The following OR2AT4 variants were observed in gnomAD, a reference collection of about 807,000 sequenced individuals.
OR2AT4 encodes the protein olfactory receptor family 2 subfamily AT member 4, also known as olfactory receptor 2AT4.
A neutral mutation model predicts 10.3 loss-of-function variants in OR2AT4; 6 were observed. That is an observed-to-expected ratio of 0.58 (90% CI 0.32 to 1.15). The LOEUF is 1.15. Ranked by LOEUF, OR2AT4 falls within the 50% of genes most tolerant of loss-of-function variation. The pLI is 0.05. For synonymous variants in OR2AT4, 145 were observed against 159.1 expected (o/e 0.91, Z 0.67); for missense variants, 354 against 393.8 (o/e 0.90, Z 0.85).
exon 2 of OR2AT4, chr11:75,089,556 G>A: frequency 6.2e-7 from 1 of 1,614,074 alleles, no homozygotes. Flanking sequence ...TGCCACCACG[G>A]CCACCAGGAT....
exon 2 of OR2AT4, chr11:75,087,904 A>G (rs1949297893): frequency 6.6e-6 from 1 of 152,166 alleles, no homozygotes; most frequent in African/African-American, 2.4e-5. Context: ...CTTATAGATA[A>G]CCATCTTTAT....
chr11:75,089,336 G>C, exon 2 of OR2AT4: 1 of 1,614,224 alleles, frequency 6.2e-7, no homozygotes, highest in Non-Finnish European at 8.5e-7. Context: ...CCACATAGCG[G>C]TCATAGGCCA....
At chr11:75,092,490 A>T in intron 1 of OR2AT4, among the ~76,000 whole-genome samples, 1 of 152,228 alleles carries the variant, frequency 6.6e-6, no homozygotes, top group East Asian at 1.9e-4. Flanking sequence ...CTATGTAGAG[A>T]TATAGATCAG....
At chr11:75,091,006 G>A (rs1003074568) in intron 1 of OR2AT4, among the ~76,000 whole-genome samples, 3 of 152,196 alleles carry the variant, frequency 2.0e-5, no homozygotes, top group Admixed American at 6.5e-5. Flanking sequence ...TCCTTCCGGG[G>A]TGAGGAGATA....
rs1366536746 is a variant in OR2AT4, at chr11:75,085,466, T to C, written c.*3285A>G. On this transcript the variant is annotated 3_prime_UTR_variant, in exon 2 of 2. Transcript: ENST00000641504. ...ATAGCACCAATTCTATACAATGTTT[T>C]TGAGAATGTAGAAGAGACGGGAAAG... 2.0e-5 allele frequency: 3 copies of C among 152,074 alleles called. No homozygotes were observed. The East Asian group carries it at 5.8e-4, about 29-fold the overall frequency. 9.4% of individuals were successfully genotyped at this position (152,074 alleles called of 1,614,324 possible).
chr11:75,095,031 G>C (rs746947865), intron 1 of OR2AT4, among the ~76,000 whole-genome samples: 1 of 152,128 alleles, frequency 6.6e-6, no homozygotes, highest in African/African-American at 2.4e-5. Flanking sequence ...GGCTGAATTG[G>C]GGTTTGAGGG....
At chr11:75,094,952 C>T (rs112311880) in intron 1 of OR2AT4, among the ~76,000 whole-genome samples, 30 of 152,178 alleles carry the variant, frequency 2.0e-4, no homozygotes, top group African/African-American at 7.2e-4. Context: ...CAAAGAGATG[C>T]AAACTACCTT....
chr11:75,084,110 T>G (rs1238905949), exon 2 of OR2AT4: 4 of 152,196 alleles, frequency 2.6e-5, no homozygotes, highest in East Asian at 2.0e-4. Flanking sequence ...CAGAAAACCA[T>G]GTACTGCATG....
exon 2 of OR2AT4, chr11:75,083,767 T>A (rs1949276852): frequency 2.0e-5 from 3 of 151,398 alleles, no homozygotes; most frequent in South Asian, 2.1e-4. Context: ...AGTTCAGGAG[T>A]TCGAGACCAG....
chr11:75,092,411 C>G (rs1162852124), intron 1 of OR2AT4, among the ~76,000 whole-genome samples: 1 of 152,056 alleles, frequency 6.6e-6, no homozygotes, highest in East Asian at 1.9e-4. Context: ...TTAAGGTACT[C>G]ACGTGCAATA....
At chr11:75,087,799 T>G (rs1949297510) in exon 2 of OR2AT4, 1 of 152,052 alleles carries the variant, frequency 6.6e-6, no homozygotes, top group African/African-American at 2.4e-5. Context: ...AATTGTGGGG[T>G]TTTTCTTTCT....
chr11:75,085,491 G>C (rs1283603833), exon 2 of OR2AT4: 1 of 152,054 alleles, frequency 6.6e-6, no homozygotes, highest in African/African-American at 2.4e-5. Context: ...AGACGGGAAA[G>C]CTTCCTAATT....
chr11:75,095,828 C>A (rs1438998015), intron 1 of OR2AT4, among the ~76,000 whole-genome samples: 1 of 152,072 alleles, frequency 6.6e-6, no homozygotes, highest in African/African-American at 2.4e-5. Flanking sequence ...CAGGCGCTTG[C>A]CACCATGTCC....
At chr11:75,093,804 C>CTTTTTTTTT (rs1166766222) in intron 1 of OR2AT4, among the ~76,000 whole-genome samples, 1 of 88,350 alleles carries the variant, frequency 1.1e-5, no homozygotes, top group African/African-American at 4.2e-5. Context: ...TTTTCTTTTT[C>CTTTTTTTTT]TTTTTCTTTT....
chr11:75,085,410 A>G (rs978351304), exon 2 of OR2AT4: 3 of 152,148 alleles, frequency 2.0e-5, no homozygotes, highest in Admixed American at 2.0e-4. Flanking sequence ...GAAATTTTAC[A>G]GGCAAATTCT....
At chr11:75,089,140 C>A (rs148303100) in exon 2 of OR2AT4, 54 of 1,613,934 alleles carry the variant, frequency 3.3e-5, no homozygotes, top group Non-Finnish European at 4.3e-5. Context: ...GAGCAGGAGG[C>A]CTGGACCACA....
chr11:75,088,797 A>T, exon 2 of OR2AT4: 1 of 1,589,466 alleles, frequency 6.3e-7, no homozygotes, highest in South Asian at 1.2e-5. Context: ...GATTTTGGTG[A>T]TGGCTGCCTT....
At position 75,088,785 on chromosome 11, in the gene OR2AT4, A is replaced by T. The variant is rs898619294; in HGVS notation, c.929T>A (p.Met310Lys). The change falls in exon 2 of 2, where the codon ATG becomes AAG. Residue 310 changes from methionine to lysine, a missense_variant. Met to Lys is a moderately conservative substitution (Grantham distance 95). Coordinates refer to ENST00000641504, the Ensembl canonical transcript of OR2AT4. Reference sequence around the variant, plus strand: ...CCTGTCACAGCCTGGGTCTTGAGACATGATTTTGGTGATGGCTGCCTTTAC... The same window carrying T: ...CCTGTCACAGCCTGGGTCTTGAGACTTGATTTTGGTGATGGCTGCCTTTAC... The T allele has an allele frequency of 5.1e-6, 8 of 1,583,266 alleles. No homozygotes were observed. The highest frequency in any genetic ancestry group is 1.7e-4 in the Middle Eastern group (1 of 5,938).
chr11:75,089,651 G>C (rs779523733), exon 2 of OR2AT4: 14 of 1,613,672 alleles, frequency 8.7e-6, no homozygotes, highest in Non-Finnish European at 1.1e-5. Context: ...GCAGAGAGGG[G>C]ATGCCCAATA....
Sources: allele counts gnomAD v4.1 joint callset (sites outside exome capture counted in the v4.1 genomes callset), GRCh38; gene constraint gnomAD v4.1.1; transcripts MANE v1.5; gene names NCBI Gene and HGNC (gene_info 2026-07-23, HGNC 2026-07-21).